The following ROBO1 variants were observed in gnomAD, a reference collection of about 807,000 sequenced individuals.
ROBO1 encodes the protein roundabout guidance receptor 1.
Under a neutral mutation model 195.9 loss-of-function variants are expected in ROBO1, and 149 were observed. The ratio of observed to expected loss-of-function variants is 0.76; its 90% CI spans 0.67 to 0.87. ROBO1 has a LOEUF of 0.87. Among genes scored for constraint, ROBO1 ranks in the 40% least tolerant of loss-of-function variants. ROBO1 has a pLI of 0.00. For missense variants in ROBO1, 1,933 were observed against 2,068.3 expected (o/e 0.93, Z 1.27); for synonymous variants, 816 against 733.2 (o/e 1.11, Z -1.82).
intron 2 of ROBO1, among the ~76,000 whole-genome samples, chr3:79,268,537 CA>C (rs1480748267): frequency 6.6e-6 from 1 of 151,614 alleles, no homozygotes; most frequent in African/African-American, 2.4e-5. Context: ...CCCTTTTACA[CA>C]CCATGTTGGT....
intron 2 of ROBO1, among the ~76,000 whole-genome samples, chr3:79,506,841 T>G (rs1189683103): frequency 1.3e-5 from 2 of 152,218 alleles, no homozygotes; most frequent in African/African-American, 4.8e-5. Flanking sequence ...ATATTAGGTA[T>G]GTGAAAGGTT....
At chr3:78,609,905 CTT>C (rs1703708216) in intron 28 of ROBO1, among the ~76,000 whole-genome samples, 1 of 151,880 alleles carries the variant, frequency 6.6e-6, no homozygotes, top group Non-Finnish European at 1.5e-5. Context: ...TTTTTTGAAA[CTT>C]ATTTTCTTTT....
intron 28 of ROBO1, among the ~76,000 whole-genome samples, chr3:78,612,782 T>C (rs1161263498): frequency 6.6e-6 from 1 of 152,230 alleles, no homozygotes; most frequent in African/African-American, 2.4e-5. Context: ...TTTTGTGACT[T>C]AGAGAAAATA....
chr3:79,616,277 T>C (rs1944816425), intron 1 of ROBO1, among the ~76,000 whole-genome samples: 2 of 152,178 alleles, frequency 1.3e-5, no homozygotes, highest in South Asian at 2.1e-4. Context: ...AGAATTTCAG[T>C]CCTTGTGTCT....
intron 3 of ROBO1, among the ~76,000 whole-genome samples, chr3:79,010,440 G>GT (rs1194056284): frequency 2.6e-5 from 4 of 152,000 alleles, no homozygotes; most frequent in Non-Finnish European, 5.9e-5. Context: ...GATAAGGCAT[G>GT]TTAGCACTTT....
At chr3:79,001,278 A>G (rs2077498538) in intron 3 of ROBO1, among the ~76,000 whole-genome samples, 1 of 152,058 alleles carries the variant, frequency 6.6e-6, no homozygotes, top group Non-Finnish European at 1.5e-5. Context: ...CCCCAGAATG[A>G]AAAGTAAAAT....
intron 1 of ROBO1, among the ~76,000 whole-genome samples, chr3:79,608,509 G>T (rs2107905073): frequency 1.3e-5 from 2 of 152,076 alleles, no homozygotes; most frequent in South Asian, 2.1e-4. Flanking sequence ...GGGAAGGAAA[G>T]GGTTGTGTTG....
chr3:79,037,617 CTAGA>C (rs2078403897), intron 3 of ROBO1, among the ~76,000 whole-genome samples: 1 of 152,046 alleles, frequency 6.6e-6, no homozygotes, highest in Admixed American at 6.5e-5. Flanking sequence ...AGCCATGCTG[CTAGA>C]TATAGTCGGC....
chr3:79,699,711 C>T (rs1947557916), intron 1 of ROBO1, among the ~76,000 whole-genome samples: 1 of 151,330 alleles, frequency 6.6e-6, no homozygotes. Flanking sequence ...TGGTTGACTA[C>T]AATACAGACA....
In ROBO1 at chr3:79,492,425, C is replaced by CAA. The variant is rs745481519; in HGVS notation, c.88+97398_88+97399insTT. 9.8e-3 allele frequency among the ~76,000 whole-genome samples: 833 copies of CAA among 85,420 alleles called. 23 individuals are homozygous for CAA. The highest frequency in any genetic ancestry group is 0.036 in the East Asian group (107 of 2,962). 56.0% of individuals were successfully genotyped at this position (85,420 alleles called of 152,430 possible). ...GGGCAATAAGAGTGAGACTCTGTTT[C>CAA]AGAAAAAAAAAAAAAAAAAAAGAGA... On this transcript the variant is annotated intron_variant, in intron 2 of 30. Coordinates refer to ENST00000464233, the MANE Select transcript of ROBO1 (RefSeq NM_002941.4).
intron 2 of ROBO1, among the ~76,000 whole-genome samples, chr3:79,193,284 G>A (rs2081573253): frequency 6.6e-6 from 1 of 151,572 alleles, no homozygotes; most frequent in Admixed American, 6.6e-5. Flanking sequence ...TTGAATGTGT[G>A]GATGACGTGA....
At chr3:79,636,427 T>C (rs997180350) in intron 1 of ROBO1, among the ~76,000 whole-genome samples, 4 of 152,286 alleles carry the variant, frequency 2.6e-5, no homozygotes, top group Admixed American at 2.0e-4. Flanking sequence ...AGCATGCTTC[T>C]CAAAGTTCTA....
intron 3 of ROBO1, among the ~76,000 whole-genome samples, chr3:79,044,793 A>T (rs1900662): frequency 0.97 from 146,926 of 152,092 alleles, 71,029 homozygotes; most frequent in East Asian, 1. Flanking sequence ...TTCTTTTTTT[A>T]AAAAAAAATT....
chr3:79,738,654 T>C (rs1703493417), intron 1 of ROBO1, among the ~76,000 whole-genome samples: 2 of 152,188 alleles, frequency 1.3e-5, no homozygotes, highest in Non-Finnish European at 2.9e-5. Context: ...TTATGCTGTT[T>C]TGAGTTAAAA....
chr3:78,613,931 T>C (rs1703958590), intron 28 of ROBO1, among the ~76,000 whole-genome samples: 3 of 152,312 alleles, frequency 2.0e-5, no homozygotes, highest in Admixed American at 2.0e-4. Flanking sequence ...TGTAGCAAAC[T>C]TGACAACAGC....
intron 3 of ROBO1, among the ~76,000 whole-genome samples, chr3:79,088,274 A>C (rs907493629): frequency 6.6e-6 from 1 of 152,140 alleles, no homozygotes; most frequent in Non-Finnish European, 1.5e-5. Context: ...GTTAAACTGG[A>C]TGGATTAATT....
intron 2 of ROBO1, among the ~76,000 whole-genome samples, chr3:79,232,500 G>A (rs1006930430): frequency 4.0e-5 from 6 of 150,892 alleles, no homozygotes; most frequent in African/African-American, 1.5e-4. Flanking sequence ...TAGAGCCAAT[G>A]GAGAACACTA....
At chr3:78,606,705 T>C in intron 29 of ROBO1, 28 bp downstream of exon 29, 1 of 1,604,958 alleles carries the variant, frequency 6.2e-7, no homozygotes, top group East Asian at 2.2e-5. Context: ...TCAATCTGTA[T>C]TTATTTGCTG....
At chr3:79,359,360 A>C (rs934980564) in intron 2 of ROBO1, among the ~76,000 whole-genome samples, 1 of 152,066 alleles carries the variant, frequency 6.6e-6, no homozygotes, top group African/African-American at 2.4e-5. Flanking sequence ...TAAATTCTGG[A>C]CAATAAACAT....
Sources: allele counts gnomAD v4.1 joint callset (sites outside exome capture counted in the v4.1 genomes callset), GRCh38; gene constraint gnomAD v4.1.1; transcripts MANE v1.5; gene names NCBI Gene and HGNC (gene_info 2026-07-23, HGNC 2026-07-21).